Variants in RBFOX1 observed in about 807,000 individuals in gnomAD.
RBFOX1 encodes RNA binding fox-1 homolog 1.
In RBFOX1, 8 loss-of-function variants were observed where a neutral mutation model predicts 57.7. The observed-to-expected ratio is 0.14, with a 90% CI of 0.08 to 0.25. The LOEUF is 0.25. RBFOX1 is among the 10% of genes least tolerant of loss of function. The probability of loss-of-function intolerance (pLI) is 1.00; values close to 1 mark genes in which losing one functional copy is unlikely to be tolerated. For synonymous variants in RBFOX1, 326 were observed against 222.4 expected, an observed-to-expected ratio of 1.47 and a Z score of -4.15; for missense variants, 611 against 548.5, an observed-to-expected ratio of 1.11 and a Z score of -1.14.
chr16:6,886,951 A>G (rs560474016), intron 3 of RBFOX1, among the ~76,000 whole-genome samples: 2 of 150,882 alleles, frequency 1.3e-5, no homozygotes, highest in African/African-American at 2.4e-5. Context: ...TTTGTAATCA[A>G]TTTAAAATAA....
chr16:7,282,942 A>ATGTGTG (rs1260144364), intron 4 of RBFOX1, among the ~76,000 whole-genome samples: 2 of 152,062 alleles, frequency 1.3e-5, no homozygotes, highest in African/African-American at 4.8e-5. Context: ...GTAGTCCATC[A>ATGTGTG]TGTGTGTGTG....
At chr16:7,599,323 A>C (rs1435402414) in intron 9 of RBFOX1, among the ~76,000 whole-genome samples, 1 of 152,384 alleles carries the variant, frequency 6.6e-6, no homozygotes, top group Non-Finnish European at 1.5e-5. Flanking sequence ...ACATATGACT[A>C]GCTGCTCATG....
chr16:6,470,539 A>G (rs969505496), intron 2 of RBFOX1, among the ~76,000 whole-genome samples: 5 of 152,334 alleles, frequency 3.3e-5, no homozygotes, highest in South Asian at 2.1e-4. Flanking sequence ...CTCTATGTGC[A>G]TGAATTCCAG....
chr16:7,165,187 G>C (rs74009274), intron 4 of RBFOX1, among the ~76,000 whole-genome samples: 1 of 151,998 alleles, frequency 6.6e-6, no homozygotes, highest in African/African-American at 2.4e-5. Flanking sequence ...AGCAGGAAGG[G>C]ATTAGCAAGA....
At chr16:5,937,392 AG>A (rs2059188213) in intron 4 of RBFOX1, among the ~76,000 whole-genome samples, 1 of 152,160 alleles carries the variant, frequency 6.6e-6, no homozygotes, top group Admixed American at 6.6e-5. Flanking sequence ...TACATTCTAG[AG>A]TAGAGGCGTG....
At chr16:6,724,459 C>T (rs970927138) in intron 3 of RBFOX1, among the ~76,000 whole-genome samples, 6 of 152,072 alleles carry the variant, frequency 3.9e-5, no homozygotes, top group Non-Finnish European at 7.4e-5. Context: ...CCACCCACCT[C>T]GTCCTCCCAA....
chr16:6,351,352 GTATATATA>G (rs1261402122), intron 2 of RBFOX1, among the ~76,000 whole-genome samples: 1 of 92,478 alleles, frequency 1.1e-5, no homozygotes, highest in African/African-American at 5.0e-5. Context: ...GTGTGTGTGT[GTATATATA>G]TATATATATA....
At chr16:6,560,161 G>C (rs1336013669) in intron 2 of RBFOX1, among the ~76,000 whole-genome samples, 1 of 113,506 alleles carries the variant, frequency 8.8e-6, no homozygotes, top group Non-Finnish European at 1.7e-5. Context: ...TAATCAATTC[G>C]TTTGCCATTT....
At chr16:6,254,919 G>A (rs576527774) in intron 1 of RBFOX1, among the ~76,000 whole-genome samples, 15 of 151,642 alleles carry the variant, frequency 9.9e-5, no homozygotes, top group African/African-American at 2.7e-4. Context: ...ACTGTCTACC[G>A]TTGACCCATT....
intron 1 of RBFOX1, among the ~76,000 whole-genome samples, chr16:5,393,723 G>T (rs1233069969): frequency 6.6e-6 from 1 of 152,182 alleles, no homozygotes; most frequent in Non-Finnish European, 1.5e-5. Context: ...AATTTAAAAT[G>T]TAATCATGTT....
At chr16:6,587,815 A>G (rs190607957) in intron 2 of RBFOX1, among the ~76,000 whole-genome samples, 3 of 152,306 alleles carry the variant, frequency 2.0e-5, no homozygotes, top group Non-Finnish European at 4.4e-5. Context: ...AATGATTAAC[A>G]TTTTGTGACA....
At chr16:7,464,986 C>T (rs1567312293) in intron 4 of RBFOX1, among the ~76,000 whole-genome samples, 1 of 151,926 alleles carries the variant, frequency 6.6e-6, no homozygotes, top group African/African-American at 2.4e-5. Flanking sequence ...GATGAGCCAC[C>T]GAGCCCAGCT....
intron 4 of RBFOX1, among the ~76,000 whole-genome samples, chr16:7,319,652 C>T (rs2096508917): frequency 6.6e-6 from 1 of 152,142 alleles, no homozygotes; most frequent in African/African-American, 2.4e-5. Flanking sequence ...AGAATGTGGG[C>T]ACCTGAGTGT....
chr16:7,243,804 C>T (rs905809393), intron 4 of RBFOX1, among the ~76,000 whole-genome samples: 2 of 152,080 alleles, frequency 1.3e-5, no homozygotes, highest in Non-Finnish European at 2.9e-5. Flanking sequence ...CCTTGCCTAG[C>T]CTCCCAAAGT....
At chr16:6,697,100 C>T (rs760909085) in intron 3 of RBFOX1, among the ~76,000 whole-genome samples, 4 of 152,062 alleles carry the variant, frequency 2.6e-5, no homozygotes, top group African/African-American at 4.8e-5. Context: ...CTGGGGAAAG[C>T]CAAAGAAAAA....
At chr16:5,917,961 C>G (rs753910698) in intron 4 of RBFOX1, among the ~76,000 whole-genome samples, 2 of 152,110 alleles carry the variant, frequency 1.3e-5, no homozygotes, top group Non-Finnish European at 2.9e-5. Context: ...GAGAAAGAAT[C>G]TGTCACAAGT....
chr16:5,527,348 C>T (rs1355342058), intron 2 of RBFOX1, among the ~76,000 whole-genome samples: 9 of 152,196 alleles, frequency 5.9e-5, no homozygotes, highest in Non-Finnish European at 2.9e-5. Context: ...AGTTCGTAGA[C>T]TCCTCCCCCA....
chr16:7,129,756 C>A (rs903968105), intron 4 of RBFOX1, among the ~76,000 whole-genome samples: 1 of 143,204 alleles, frequency 7.0e-6, no homozygotes, highest in Admixed American at 7.5e-5. Context: ...CCAGGAGACA[C>A]GACAACTCCT....
At chr16:7,249,992 T>C (rs979809855) in intron 4 of RBFOX1, among the ~76,000 whole-genome samples, 2 of 152,214 alleles carry the variant, frequency 1.3e-5, no homozygotes, top group Non-Finnish European at 1.5e-5. Context: ...ATAAAATCCT[T>C]TCCAATTGCC....
Sources: allele counts gnomAD v4.1 joint callset (sites outside exome capture counted in the v4.1 genomes callset), GRCh38; gene constraint gnomAD v4.1.1; transcripts MANE v1.5; gene names NCBI Gene and HGNC (gene_info 2026-07-23, HGNC 2026-07-21).